CSMD1: variants seen among roughly 807,000 people sequenced by gnomAD.
CSMD1 encodes the protein CUB and sushi domain-containing protein 1.
A neutral mutation model predicts 417.5 loss-of-function variants in CSMD1; 213 were observed. The ratio of observed to expected loss-of-function variants is 0.51; its 90% CI spans 0.46 to 0.57. CSMD1 has a LOEUF of 0.57. CSMD1 is among the 20% of genes least tolerant of loss of function. CSMD1 has a pLI of 0.00. For missense variants in CSMD1, 6,923 were observed against 4,529.7 expected, an observed-to-expected ratio of 1.53 and a Z score of -15.17; for synonymous variants, 2,862 against 1,736.8, an observed-to-expected ratio of 1.65 and a Z score of -16.11.
At chr8:2,947,903 G>C (rs908493189) in intron 68 of CSMD1, among the ~76,000 whole-genome samples, 1 of 150,392 alleles carries the variant, frequency 6.6e-6, no homozygotes, top group Non-Finnish European at 1.5e-5. Context: ...AATAGTGGAA[G>C]TAAAGTATTT....
At chr8:4,210,555 A>G (rs1332748046) in intron 3 of CSMD1, among the ~76,000 whole-genome samples, 2 of 152,226 alleles carry the variant, frequency 1.3e-5, no homozygotes, top group African/African-American at 4.8e-5. Context: ...AGAAAGCACA[A>G]ATAGGAAACA....
chr8:4,106,529 T>A (rs1288283289), intron 3 of CSMD1, among the ~76,000 whole-genome samples: 1 of 152,160 alleles, frequency 6.6e-6, no homozygotes, highest in South Asian at 2.1e-4. Context: ...TCCTATGATA[T>A]TTTAAATTTA....
intron 26 of CSMD1, among the ~76,000 whole-genome samples, chr8:3,255,363 G>C (rs1042486945): frequency 2.6e-5 from 4 of 152,176 alleles, no homozygotes; most frequent in African/African-American, 7.2e-5. Flanking sequence ...ATCTCAAGCT[G>C]TGTGCTGGGA....
intron 17 of CSMD1, among the ~76,000 whole-genome samples, chr8:3,388,194 G>A (rs1002937795): frequency 2.0e-5 from 3 of 152,092 alleles, no homozygotes; most frequent in African/African-American, 7.2e-5. Flanking sequence ...ATTTTTCTAA[G>A]TTTGCATTCC....
At chr8:3,808,481 A>G (rs534250982) in intron 5 of CSMD1, among the ~76,000 whole-genome samples, 39 of 152,184 alleles carry the variant, frequency 2.6e-4, no homozygotes, top group Non-Finnish European at 5.6e-4. Flanking sequence ...TTTCAGTAAT[A>G]TGTTTTCTGC....
intron 1 of CSMD1, among the ~76,000 whole-genome samples, chr8:4,822,459 G>C (rs989958832): frequency 6.6e-6 from 1 of 152,012 alleles, no homozygotes; most frequent in African/African-American, 2.4e-5. Context: ...AATGTAAACT[G>C]TCAGTTTACG....
chr8:3,304,323 A>T (rs1359127801), intron 25 of CSMD1, among the ~76,000 whole-genome samples: 63 of 152,294 alleles, frequency 4.1e-4, no homozygotes, highest in Middle Eastern at 6.8e-3. Flanking sequence ...CTTAGTAACC[A>T]TGCAAGCTAA....
In CSMD1 at chr8:3,224,232, G is replaced by C. The variant is rs139394559; in HGVS notation, c.4346-365C>G. ...CATGTGCACAAACAGAAAAACACTT[G>C]AATAAAAAAAATCCCATGGACATGA... On this transcript the variant is annotated intron_variant, in intron 27 of 69. Coordinates refer to ENST00000635120, the MANE Select transcript of CSMD1 (RefSeq NM_033225.6). Among the ~76,000 whole-genome samples the C allele has an allele frequency of 9.7e-4, 147 of 152,096 alleles. 1 individual carries two copies. Among genetic ancestry groups the C allele is most frequent in the African/African-American group, 3.3e-3 (137 of 41,496 alleles).
At chr8:3,649,650 C>T (rs1158757108) in intron 7 of CSMD1, among the ~76,000 whole-genome samples, 5 of 152,088 alleles carry the variant, frequency 3.3e-5, no homozygotes, top group East Asian at 3.9e-4. Flanking sequence ...GAGAAACCAC[C>T]CCCATGATTC....
rs1003669479 is a variant in CSMD1 at position 4,728,095 on chromosome 8, C to A, written c.86-90537G>T. ...GTATATGTTTGTAGGTAAATATGTA[C>A]ATTTGGTATATTTGGTGTATATATT... On this transcript the variant is annotated intron_variant, in intron 1 of 69. Transcript: ENST00000635120. 1.4e-4 allele frequency among the ~76,000 whole-genome samples: 20 copies of A among 145,190 alleles called. No homozygotes were observed. In the East Asian group the frequency reaches 3.8e-3, roughly 27 times the overall value.
intron 2 of CSMD1, among the ~76,000 whole-genome samples, chr8:4,537,928 C>T (rs1000584302): frequency 1.2e-4 from 18 of 152,182 alleles, no homozygotes; most frequent in African/African-American, 3.6e-4. Flanking sequence ...AAAGCATTAA[C>T]TTCATTAACT....
intron 5 of CSMD1, among the ~76,000 whole-genome samples, chr8:3,833,388 C>G (rs116062202): frequency 6.6e-6 from 1 of 152,026 alleles, no homozygotes; most frequent in Admixed American, 6.6e-5. Flanking sequence ...AAATAATTTA[C>G]TGCATTCAAC....
intron 1 of CSMD1, among the ~76,000 whole-genome samples, chr8:4,929,530 C>T (rs4074885): frequency 0.036 from 5,436 of 152,128 alleles, 270 homozygotes; most frequent in African/African-American, 0.11. Context: ...ATTTCAGAAG[C>T]ACTAGGTAAC....
At chr8:3,330,717 C>T (rs558809212) in intron 23 of CSMD1, among the ~76,000 whole-genome samples, 1 of 152,078 alleles carries the variant, frequency 6.6e-6, no homozygotes, top group East Asian at 1.9e-4. Flanking sequence ...ACCCAAATAA[C>T]AAACCTGCAC....
intron 3 of CSMD1, among the ~76,000 whole-genome samples, chr8:4,179,152 G>C (rs1221672261): frequency 7.9e-5 from 12 of 152,140 alleles, no homozygotes; most frequent in Admixed American, 1.3e-4. Flanking sequence ...AAAGCTGGAG[G>C]CATCACACTA....
At chr8:3,801,261 A>G (rs1800442306) in intron 5 of CSMD1, among the ~76,000 whole-genome samples, 1 of 152,150 alleles carries the variant, frequency 6.6e-6, no homozygotes, top group Non-Finnish European at 1.5e-5. Flanking sequence ...CAAGTCAACA[A>G]CAACCACAAA....
At chr8:3,559,541 T>C (rs1267191655) in intron 10 of CSMD1, among the ~76,000 whole-genome samples, 1 of 152,072 alleles carries the variant, frequency 6.6e-6, no homozygotes, top group Non-Finnish European at 1.5e-5. Context: ...TGGAAGATGA[T>C]AAAGGAAAAG....
At chr8:4,024,354 G>T (rs80235669) in intron 4 of CSMD1, among the ~76,000 whole-genome samples, 3 of 152,128 alleles carry the variant, frequency 2.0e-5, no homozygotes, top group African/African-American at 7.2e-5. Context: ...AAATCTTATG[G>T]ATTCTGTGGC....
Position 4,926,260 on chromosome 8 carries a change from T to C in CSMD1, c.85+68072A>G, listed in dbSNP as rs539438518. On this transcript the variant is annotated intron_variant, in intron 1 of 69. Coordinates refer to ENST00000635120, the MANE Select transcript of CSMD1 (RefSeq NM_033225.6). Reference sequence around the variant, plus strand: ...CTTGTGGACACAATGAATAAATGGATGTATCACAGAGTTAAACATGAATTT... The same window carrying C: ...CTTGTGGACACAATGAATAAATGGACGTATCACAGAGTTAAACATGAATTT... Among the ~76,000 whole-genome samples, 18 of 152,342 alleles carry C rather than the reference T, an allele frequency of 1.2e-4. No homozygotes were observed. In the South Asian group the frequency reaches 3.7e-3, roughly 32 times the overall value.
Sources: gnomAD v4.1 joint callset for allele counts (sites outside exome capture counted in the v4.1 genomes callset) on GRCh38, gnomAD v4.1.1 for gene constraint, MANE v1.5 for transcripts, NCBI Gene and HGNC (gene_info 2026-07-23, HGNC 2026-07-21) for gene names.